DENND5B: variants seen among roughly 807,000 people sequenced by gnomAD.
The protein encoded by DENND5B is DENN domain containing 5B.
Under a neutral mutation model 140.6 loss-of-function variants are expected in DENND5B, and 34 were observed. The ratio of observed to expected loss-of-function variants is 0.24; its 90% CI spans 0.18 to 0.32. The LOEUF (loss-of-function observed/expected upper bound fraction) is 0.32, where lower values mean the gene tolerates loss of function less well. Among genes scored for constraint, DENND5B ranks in the 10% least tolerant of loss-of-function variants. The pLI, the probability that DENND5B is intolerant of heterozygous loss-of-function variation, is 1.00. For synonymous variants in DENND5B, 551 were observed against 562.1 expected, an observed-to-expected ratio of 0.98 and a Z score of 0.28; for missense variants, 1,142 against 1,560.2, an observed-to-expected ratio of 0.73 and a Z score of 4.52.
At chr12:31,420,446 T>C (rs117488172) in intron 11 of DENND5B, among the ~76,000 whole-genome samples, 1 of 3,580 alleles carries the variant, frequency 2.8e-4, no homozygotes, top group Non-Finnish European at 8.1e-3. Context: ...CTCCCAACAA[T>C]TTTTTTTTTT....
At chr12:31,461,950 A>G (rs1945039430) in intron 3 of DENND5B, among the ~76,000 whole-genome samples, 1 of 152,192 alleles carries the variant, frequency 6.6e-6, no homozygotes, top group Non-Finnish European at 1.5e-5. Flanking sequence ...TTTTCCATTT[A>G]AATTTTTTGT....
intron 1 of DENND5B, among the ~76,000 whole-genome samples, chr12:31,496,431 ACAT>A (rs1003467820): frequency 2.6e-5 from 4 of 152,218 alleles, no homozygotes; most frequent in African/African-American, 9.7e-5. Context: ...AGAATTAGAA[ACAT>A]CATTGCTGAG....
intron 1 of DENND5B, among the ~76,000 whole-genome samples, chr12:31,510,268 T>C (rs1351052414): frequency 6.6e-6 from 1 of 152,238 alleles, no homozygotes; most frequent in Non-Finnish European, 1.5e-5. Flanking sequence ...AACCATCCTG[T>C]TGACAGGGCT....
rs150346972 is a variant in DENND5B at position 31,448,858 on chromosome 12, C to CAA, written c.1630-1091_1630-1090dup. ...GAAACCGCATTTCCAAAAAAACAAA[C>CAA]AAACAAAAACAAATCATTGCCTGAA... On this transcript the variant is annotated intron_variant, in intron 5 of 20. Transcript: ENST00000389082. 1.5e-3 allele frequency among the ~76,000 whole-genome samples: 232 copies of CAA among 151,518 alleles called. 2 individuals carry two copies. The East Asian group carries it at 0.021, about 14-fold the overall frequency.
chr12:31,474,133 G>C (rs1355884039), intron 3 of DENND5B, among the ~76,000 whole-genome samples: 1 of 152,166 alleles, frequency 6.6e-6, no homozygotes, highest in East Asian at 1.9e-4. Context: ...ACAACTCAAA[G>C]AGGAATGAAA....
chr12:31,447,325 T>C (rs539037450), intron 6 of DENND5B, among the ~76,000 whole-genome samples: 14 of 152,056 alleles, frequency 9.2e-5, no homozygotes, highest in Admixed American at 2.0e-4. Context: ...CTTGATTCAA[T>C]TTATTATTGT....
At chr12:31,570,943 C>A (rs1385055122) in intron 1 of DENND5B, among the ~76,000 whole-genome samples, 1 of 151,974 alleles carries the variant, frequency 6.6e-6, no homozygotes. Flanking sequence ...TTAAAAGCAA[C>A]AAAAGCCAAA....
intron 1 of DENND5B, among the ~76,000 whole-genome samples, chr12:31,543,906 C>T (rs751750176): frequency 3.9e-5 from 6 of 152,190 alleles, no homozygotes; most frequent in Admixed American, 1.3e-4. Context: ...CAATGGCTCA[C>T]GCCTGTAATT....
At chr12:31,485,025 G>A (rs866314291) in intron 2 of DENND5B, among the ~76,000 whole-genome samples, 3 of 152,050 alleles carry the variant, frequency 2.0e-5, no homozygotes, top group African/African-American at 4.8e-5. Context: ...AAAAGGTCAC[G>A]GTCACTGTTT....
At chr12:31,558,696 G>C (rs2139310486) in intron 1 of DENND5B, among the ~76,000 whole-genome samples, 1 of 152,192 alleles carries the variant, frequency 6.6e-6, no homozygotes, top group East Asian at 1.9e-4. Context: ...ACTCCCCTTT[G>C]CTTGCCTCCT....
At chr12:31,552,068 C>A (rs1949083711) in intron 1 of DENND5B, among the ~76,000 whole-genome samples, 1 of 152,090 alleles carries the variant, frequency 6.6e-6, no homozygotes, top group Non-Finnish European at 1.5e-5. Flanking sequence ...CCTTCTCCTG[C>A]CTGATTGCCC....
intron 11 of DENND5B, among the ~76,000 whole-genome samples, chr12:31,417,600 C>T (rs897165441): frequency 2.0e-5 from 3 of 152,042 alleles, no homozygotes; most frequent in East Asian, 1.9e-4. Flanking sequence ...TGCCACCACA[C>T]CTGGCTAATT....
intron 13 of DENND5B, 60 bp downstream of exon 13, chr12:31,413,376 A>G: frequency 6.4e-7 from 1 of 1,568,710 alleles, no homozygotes; most frequent in Non-Finnish European, 8.7e-7. Flanking sequence ...CAGTTTATGC[A>G]ACTTGTTTTG....
intron 1 of DENND5B, among the ~76,000 whole-genome samples, chr12:31,537,077 C>G (rs1182167157): frequency 6.6e-6 from 1 of 151,598 alleles, no homozygotes; most frequent in African/African-American, 2.4e-5. Flanking sequence ...GAAATGCTAA[C>G]AGGTGTACTT....
At chr12:31,554,688 G>C (rs1259394) in intron 1 of DENND5B, among the ~76,000 whole-genome samples, 11,864 of 152,192 alleles carry the variant, frequency 0.078, 1,059 homozygotes, top group African/African-American at 0.22. Flanking sequence ...GTCACTTTCA[G>C]GTACACCAAT....
chr12:31,414,891 C>T (rs1159628996), intron 12 of DENND5B, among the ~76,000 whole-genome samples: 1 of 148,524 alleles, frequency 6.7e-6, no homozygotes, highest in African/African-American at 2.5e-5. Flanking sequence ...CACTGCACTC[C>T]AGCCTGGGCA....
intron 4 of DENND5B, among the ~76,000 whole-genome samples, chr12:31,453,287 T>C (rs968281090): frequency 2.0e-5 from 3 of 148,744 alleles, no homozygotes; most frequent in African/African-American, 7.3e-5. Context: ...TTGAGTTGAG[T>C]AGAAGAGGTG....
Position 31,479,673 on chromosome 12 carries a change from C to A in DENND5B, c.820G>T (p.Ala274Ser). 6.3e-7 allele frequency: 1 copy of A among 1,578,676 alleles called. No individual in the cohort carries two copies. Among genetic ancestry groups the A allele is most frequent in the Non-Finnish European group, 8.6e-7 (1 of 1,162,860 alleles). Reference sequence around the variant, plus strand: ...TTCTCTAATCCCAGGAGCTCAAATGCCTCCCGAAGGGGGTAATCAGAGAGG... The same window carrying A: ...TTCTCTAATCCCAGGAGCTCAAATGACTCCCGAAGGGGGTAATCAGAGAGG... ...LPLSDYPLRE[A>S]FELLGLENLV... The change falls in exon 3 of 21, where the codon GCA becomes TCA. Residue 274 changes from alanine (A) to serine (S), a missense_variant. Transcript: ENST00000389082.
At chr12:31,396,410 T>G (rs1404968283) in intron 17 of DENND5B, 1 of 151,356 alleles carries the variant, frequency 6.6e-6, no homozygotes, top group East Asian at 1.9e-4. Context: ...CGGCAGCACA[T>G]ATACTAAAAA....
Sources: allele counts gnomAD v4.1 joint callset (sites outside exome capture counted in the v4.1 genomes callset), GRCh38; gene constraint gnomAD v4.1.1; transcripts MANE v1.5; gene names NCBI Gene and HGNC (gene_info 2026-07-23, HGNC 2026-07-21).